MACROD2: variants seen among roughly 807,000 people sequenced by gnomAD.
MACROD2 encodes ADP-ribose glycohydrolase MACROD2.
A neutral mutation model predicts 70.4 loss-of-function variants in MACROD2; 36 were observed. The ratio of observed to expected loss-of-function variants is 0.51; its 90% CI spans 0.39 to 0.68. MACROD2 has a LOEUF of 0.68. MACROD2 is among the 30% of genes least tolerant of loss of function. MACROD2 has a pLI of 0.00. For missense variants in MACROD2, 496 were observed against 538.4 expected, an observed-to-expected ratio of 0.92 and a Z score of 0.78; for synonymous variants, 172 against 178.8, an observed-to-expected ratio of 0.96 and a Z score of 0.30.
chr20:16,002,101 A>C (rs1340730366), intron 15 of MACROD2, among the ~76,000 whole-genome samples: 2 of 152,010 alleles, frequency 1.3e-5, no homozygotes, highest in African/African-American at 2.4e-5. Flanking sequence ...ATATCTCCAA[A>C]GTCTACCTGT....
Position 15,110,842 on chromosome 20 carries a change from T to G in MACROD2, c.419-119098T>G, listed in dbSNP as rs182683451. 2.0e-5 allele frequency among the ~76,000 whole-genome samples: 3 copies of G among 152,302 alleles called. 1 individual carries two copies. The East Asian group carries it at 5.8e-4, about 29-fold the overall frequency. ...CCCTAGGTCTGAGAGCCAGTTACAT[T>G]GCTGCCACCAATACTCAAACTCCAT... On this transcript the variant is annotated intron_variant, in intron 5 of 17. Coordinates refer to ENST00000684519, the MANE Select transcript of MACROD2 (RefSeq NM_001351661.2).
At position 14,662,711 on chromosome 20, in the gene MACROD2, C is replaced by G. The variant is rs548189126; in HGVS notation, c.302-22132C>G. Among the ~76,000 whole-genome samples, 3 of 152,166 alleles carry G rather than the reference C, an allele frequency of 2.0e-5. No homozygotes were observed. The South Asian group carries it at 6.2e-4, about 32-fold the overall frequency. On this transcript the variant is annotated intron_variant, in intron 4 of 17. Transcript: ENST00000684519. The stretch of plus-strand genomic sequence containing the variant: ...ACACTTTTCAGAAGAAGACATACAT[C>G]TGAACAACAATCATATGAATAAAAG...
chr20:16,009,412 T>A (rs1345164435), intron 15 of MACROD2, among the ~76,000 whole-genome samples: 1 of 152,200 alleles, frequency 6.6e-6, no homozygotes, highest in African/African-American at 2.4e-5. Context: ...GTTCCCTGTC[T>A]TGGGGTTTTC....
chr20:15,709,203 C>G (rs975629518), intron 8 of MACROD2, among the ~76,000 whole-genome samples: 2 of 152,192 alleles, frequency 1.3e-5, no homozygotes, highest in Non-Finnish European at 2.9e-5. Flanking sequence ...GGGCGGTGCA[C>G]CGCAAAGTCG....
intron 7 of MACROD2, among the ~76,000 whole-genome samples, chr20:15,458,567 A>T (rs1268237073): frequency 7.2e-5 from 11 of 152,104 alleles, no homozygotes; most frequent in Middle Eastern, 6.8e-3. Context: ...CCCTAAGCTT[A>T]TAAAGATTAT....
intron 4 of MACROD2, among the ~76,000 whole-genome samples, chr20:14,595,596 C>T (rs192324261): frequency 9.7e-4 from 148 of 152,336 alleles, no homozygotes; most frequent in African/African-American, 3.2e-3. Flanking sequence ...TTTCTAATCA[C>T]TGACCGAATT....
intron 6 of MACROD2, among the ~76,000 whole-genome samples, chr20:15,364,772 A>G (rs1053805350): frequency 3.9e-5 from 6 of 152,216 alleles, no homozygotes; most frequent in African/African-American, 1.4e-4. Context: ...CTCTGTGCTC[A>G]CCAATGAAGG....
At chr20:15,809,669 C>T (rs763333208) in intron 8 of MACROD2, among the ~76,000 whole-genome samples, 1 of 152,084 alleles carries the variant, frequency 6.6e-6, no homozygotes, top group Non-Finnish European at 1.5e-5. Flanking sequence ...GCCCCTCTGA[C>T]CCAAACACCT....
intron 3 of MACROD2, among the ~76,000 whole-genome samples, chr20:14,272,907 A>G (rs541283759): frequency 6.6e-6 from 1 of 152,248 alleles, no homozygotes; most frequent in East Asian, 1.9e-4. Context: ...AGGCCATTAC[A>G]TAATGGTAAA....
At chr20:14,695,814 A>C (rs2071118704) in intron 5 of MACROD2, among the ~76,000 whole-genome samples, 1 of 152,216 alleles carries the variant, frequency 6.6e-6, no homozygotes, top group Non-Finnish European at 1.5e-5. Flanking sequence ...AAAGACCCTG[A>C]GCCAGAGGCA....
chr20:14,485,701 C>CAAAAAAAAA (rs1276490399), intron 3 of MACROD2, among the ~76,000 whole-genome samples: 1 of 61,872 alleles, frequency 1.6e-5, no homozygotes, highest in Non-Finnish European at 2.7e-5. Flanking sequence ...GACTCCGTCT[C>CAAAAAAAAA]AAAAAAAAAA....
chr20:15,500,831 T>C (rs2047355696), intron 8 of MACROD2, among the ~76,000 whole-genome samples: 1 of 152,218 alleles, frequency 6.6e-6, no homozygotes. Context: ...TCCATTTGGG[T>C]GCTTACCCTT....
At chr20:14,352,532 A>G (rs1299677867) in intron 3 of MACROD2, 2 of 152,174 alleles carry the variant, frequency 1.3e-5, no homozygotes, top group Non-Finnish European at 2.9e-5. Context: ...CACTCTTTTA[A>G]TGAATTTGCT....
At chr20:15,207,027 C>T (rs558243968) in intron 5 of MACROD2, among the ~76,000 whole-genome samples, 100 of 152,200 alleles carry the variant, frequency 6.6e-4, no homozygotes, top group South Asian at 3.3e-3. Context: ...TGAGCCACCG[C>T]GCCCGGCCCA....
chr20:14,459,009 T>C (rs1314715590), intron 3 of MACROD2, among the ~76,000 whole-genome samples: 1 of 152,084 alleles, frequency 6.6e-6, no homozygotes, highest in Non-Finnish European at 1.5e-5. Flanking sequence ...TTTATAATTA[T>C]TCAGAAAATT....
chr20:14,287,113 A>G (rs981946149), intron 3 of MACROD2, among the ~76,000 whole-genome samples: 1 of 152,016 alleles, frequency 6.6e-6, no homozygotes, highest in Non-Finnish European at 1.5e-5. Flanking sequence ...GTCCTATCCT[A>G]CTCTCTTCAA....
At chr20:14,310,772 G>T (rs1319492554) in intron 3 of MACROD2, among the ~76,000 whole-genome samples, 1 of 152,048 alleles carries the variant, frequency 6.6e-6, no homozygotes, top group Non-Finnish European at 1.5e-5. Flanking sequence ...AAATGATATT[G>T]GTGATCCTGA....
chr20:14,618,352 G>T (rs1249855073), intron 4 of MACROD2, among the ~76,000 whole-genome samples: 1 of 152,110 alleles, frequency 6.6e-6, no homozygotes. Context: ...TTTTGGAAAA[G>T]AACTGCCTAT....
chr20:15,258,422 T>C (rs143005575), intron 6 of MACROD2, among the ~76,000 whole-genome samples: 1 of 152,264 alleles, frequency 6.6e-6, no homozygotes, highest in East Asian at 1.9e-4. Context: ...AGAAATCTTT[T>C]ATACCATACT....
Sources: gnomAD v4.1 joint callset for allele counts (sites outside exome capture counted in the v4.1 genomes callset) on GRCh38, gnomAD v4.1.1 for gene constraint, MANE v1.5 for transcripts, NCBI Gene and HGNC (gene_info 2026-07-23, HGNC 2026-07-21) for gene names.